Variants in TADA2A observed in about 807,000 individuals in gnomAD.
The protein encoded by TADA2A is transcriptional adaptor 2A, also known as transcriptional adapter 2-alpha.
Under a neutral mutation model 67.4 loss-of-function variants are expected in TADA2A, and 38 were observed. The ratio of observed to expected loss-of-function variants is 0.56; its 90% CI spans 0.44 to 0.74. The LOEUF (loss-of-function observed/expected upper bound fraction) is 0.74, where lower values mean the gene tolerates loss of function less well. TADA2A is among the 30% of genes least tolerant of loss of function. TADA2A has a pLI of 0.00. For synonymous variants in TADA2A, 192 were observed against 181.6 expected, an observed-to-expected ratio of 1.06 and a Z score of -0.46; for missense variants, 454 against 547.0, an observed-to-expected ratio of 0.83 and a Z score of 1.70.
intron 1 of TADA2A, among the ~76,000 whole-genome samples, chr17:37,410,277 A>G (rs1420146409): frequency 1.3e-5 from 2 of 151,748 alleles, no homozygotes; most frequent in East Asian, 3.9e-4. Context: ...CCTAGGCCCA[A>G]GCGTTCCACC....
intron 4 of TADA2A, among the ~76,000 whole-genome samples, chr17:37,436,022 G>A (rs535255203): frequency 6.6e-6 from 1 of 151,868 alleles, no homozygotes; most frequent in South Asian, 2.1e-4. Flanking sequence ...GGCCAACTAC[G>A]AGGTTTTTAC....
intron 8 of TADA2A, among the ~76,000 whole-genome samples, chr17:37,451,965 C>T (rs189984927): frequency 3.3e-5 from 5 of 152,074 alleles, no homozygotes; most frequent in Admixed American, 1.3e-4. Flanking sequence ...GCCTGGGCGA[C>T]AAGAGCAAAA....
intron 2 of TADA2A, among the ~76,000 whole-genome samples, chr17:37,419,225 C>T (rs2052153517): frequency 6.9e-6 from 1 of 144,900 alleles, no homozygotes; most frequent in South Asian, 2.3e-4. Flanking sequence ...GGCTGGAGTG[C>T]AGTGGCATGC....
intron 8 of TADA2A, chr17:37,450,699 A>G (rs915396298): frequency 6.6e-6 from 1 of 152,222 alleles, no homozygotes; most frequent in Non-Finnish European, 1.5e-5. Flanking sequence ...TCTGTTTGCT[A>G]GCTTATACTG....
chr17:37,444,691 A>T lies in TADA2A; in HGVS notation c.532-5A>T. ...GGGTGGGGATTTTTTTGTTCCCCTA[A>T]ACAGGAATTTGACAATTATGCAGAA... On this transcript the variant is annotated splice_polypyrimidine_tract_variant and splice_region_variant and intron_variant, in intron 7 of 15. Coordinates refer to ENST00000615182, the MANE Select transcript of TADA2A (RefSeq NM_001166105.3). The T allele has an allele frequency of 6.2e-7, 1 of 1,613,816 alleles. No individual in the cohort carries two copies. The highest frequency in any genetic ancestry group is 1.7e-4 in the Middle Eastern group (1 of 6,058).
chr17:37,474,499 C>T, intron 14 of TADA2A, 57 bp from the exon 15 acceptor site: 3 of 1,555,754 alleles, frequency 1.9e-6, no homozygotes, highest in Non-Finnish European at 2.6e-6. Context: ...TAATACTTTA[C>T]ACCTGAGAAA....
rs553003983 is a variant in TADA2A at position 37,436,014 on chromosome 17, C to T, written c.193-1724C>T. 6.8e-4 allele frequency among the ~76,000 whole-genome samples: 104 copies of T among 152,190 alleles called. 1 individual carries two copies. The South Asian group carries it at 0.013, about 18-fold the overall frequency. ...TGCAGGCATGAGCCACCATGCCTGG[C>T]CAACTACGAGGTTTTTACATAACCT... is the stretch of plus-strand genomic sequence containing the variant. On this transcript the variant is annotated intron_variant, in intron 4 of 15. Coordinates refer to ENST00000615182, the MANE Select transcript of TADA2A (RefSeq NM_001166105.3).
chr17:37,468,611 C>T (rs2053717891), intron 12 of TADA2A, among the ~76,000 whole-genome samples: 1 of 151,940 alleles, frequency 6.6e-6, no homozygotes. Flanking sequence ...AAGCAGTCCT[C>T]CCGCCTAGGC....
At chr17:37,475,462 C>A (rs933117476) in intron 15 of TADA2A, among the ~76,000 whole-genome samples, 4 of 151,352 alleles carry the variant, frequency 2.6e-5, no homozygotes, top group Non-Finnish European at 5.9e-5. Flanking sequence ...AGGCGTGAGC[C>A]ACCTCACCCG....
At chr17:37,472,129 G>C (rs1467896539) in intron 14 of TADA2A, among the ~76,000 whole-genome samples, 1 of 151,754 alleles carries the variant, frequency 6.6e-6, no homozygotes, top group South Asian at 2.1e-4. Flanking sequence ...GCAGTGACGC[G>C]ATCTTGGCTC....
At chr17:37,428,780 C>T (rs1339015204) in intron 4 of TADA2A, among the ~76,000 whole-genome samples, 1 of 152,140 alleles carries the variant, frequency 6.6e-6, no homozygotes, top group Non-Finnish European at 1.5e-5. Context: ...GGCTTGGTGG[C>T]TCATGCCTGT....
At chr17:37,421,402 C>T (rs1363411159) in intron 2 of TADA2A, among the ~76,000 whole-genome samples, 1 of 142,464 alleles carries the variant, frequency 7.0e-6, no homozygotes, top group Non-Finnish European at 1.5e-5. Context: ...CAAGAAGACC[C>T]TGTCTCAAGA....
chr17:37,469,649 T>C (rs1384609267), intron 12 of TADA2A, among the ~76,000 whole-genome samples: 1 of 151,978 alleles, frequency 6.6e-6, no homozygotes, highest in African/African-American at 2.4e-5. Context: ...AAGATAAAAG[T>C]GGAATTACTT....
intron 2 of TADA2A, among the ~76,000 whole-genome samples, chr17:37,412,229 A>G (rs1332001300): frequency 1.3e-5 from 2 of 151,672 alleles, no homozygotes; most frequent in African/African-American, 4.8e-5. Context: ...AAAAAAAAAA[A>G]AAAAAGAAAA....
At chr17:37,438,315 A>G (rs2052795235) in intron 5 of TADA2A, among the ~76,000 whole-genome samples, 1 of 152,246 alleles carries the variant, frequency 6.6e-6, no homozygotes, top group African/African-American at 2.4e-5. Context: ...GGAATTGAAT[A>G]GCACTTATTG....
intron 8 of TADA2A, among the ~76,000 whole-genome samples, chr17:37,451,563 C>T (rs1314626878): frequency 6.6e-6 from 1 of 152,154 alleles, no homozygotes; most frequent in Non-Finnish European, 1.5e-5. Context: ...CTCAACCCAT[C>T]TGCCCACCTC....
rs186972471 is a variant in TADA2A, at chr17:37,463,464, G to A, written c.712+1343G>A. The stretch of plus-strand genomic sequence containing the variant: ...TTTAGTGTAAATAAATATCTAGCCA[G>A]GCATGGTGGCTTGCACCTATAATCC... On this transcript the variant is annotated intron_variant, in intron 10 of 15. Coordinates refer to ENST00000615182, the MANE Select transcript of TADA2A (RefSeq NM_001166105.3). Among the ~76,000 whole-genome samples, 532 of 152,048 alleles carry A rather than the reference G, an allele frequency of 3.5e-3. 15 individuals carry two copies. Among genetic ancestry groups the A allele is most frequent in the Admixed American group, 0.033 (510 of 15,252 alleles).
chr17:37,442,457 C>T, intron 6 of TADA2A, 107 bp from the exon 7 acceptor site: 1 of 844,640 alleles, frequency 1.2e-6, no homozygotes, highest in Non-Finnish European at 1.8e-6. Flanking sequence ...TTTCACATTT[C>T]CTTTTATAAA....
intron 11 of TADA2A, among the ~76,000 whole-genome samples, chr17:37,467,227 G>T (rs1426157994): frequency 6.6e-6 from 1 of 152,204 alleles, no homozygotes; most frequent in Admixed American, 6.5e-5. Flanking sequence ...CTAGAAGACA[G>T]TTCCAGCTGC....
Sources: allele counts gnomAD v4.1 joint callset (sites outside exome capture counted in the v4.1 genomes callset), GRCh38; gene constraint gnomAD v4.1.1; transcripts MANE v1.5; gene names NCBI Gene and HGNC (gene_info 2026-07-23, HGNC 2026-07-21).